The following SCD5 variants were observed in gnomAD, a reference collection of about 807,000 sequenced individuals.
SCD5 encodes stearoyl-CoA desaturase 5, also known as acyl-CoA-desaturase 4.
SCD5 carries 20 observed loss-of-function variants against 30.4 expected under a neutral mutation model. The observed-to-expected ratio is 0.66, with a 90% CI of 0.46 to 0.96. SCD5 has a LOEUF of 0.96. Among genes scored for constraint, SCD5 ranks in the 40% least tolerant of loss-of-function variants. The pLI is 0.00. For missense variants in SCD5, 381 were observed against 443.3 expected (o/e 0.86, Z 1.26); for synonymous variants, 173 against 176.4 (o/e 0.98, Z 0.16).
Position 82,636,763 on chromosome 4 carries a change from G to A in SCD5, c.630C>T (p.Tyr210=), listed in dbSNP as rs1469504700. The change falls in exon 4 of 5, where the codon TAC becomes TAT. Residue 210 remains tyrosine (Y), a synonymous_variant. Transcript: ENST00000319540. ...AATTCCACAGACTCTCTCCCCAGAT[G>A]TACCAGGGCACCAGCGTGGGGACCA... ...CFVVPTLVPW[Y]IWGESLWNSY... The A allele has an allele frequency of 6.2e-7, 1 of 1,614,136 alleles. No homozygotes were observed.
chr4:82,712,270 A>ATG (rs1553917227), intron 1 of SCD5, among the ~76,000 whole-genome samples: 2 of 48,578 alleles, frequency 4.1e-5, no homozygotes, highest in East Asian at 5.9e-4. Flanking sequence ...ATATATATAT[A>ATG]TATATATATA....
intron 3 of SCD5, among the ~76,000 whole-genome samples, chr4:82,642,961 G>A (rs1506606): frequency 0.57 from 86,570 of 151,964 alleles, 25,398 homozygotes; most frequent in Admixed American, 0.69. Flanking sequence ...GGGTAATGTA[G>A]ACCCTACCCA....
chr4:82,668,200 G>C (rs1371439500), intron 3 of SCD5, among the ~76,000 whole-genome samples: 2 of 152,174 alleles, frequency 1.3e-5, no homozygotes, highest in Non-Finnish European at 2.9e-5. Context: ...ACAAAAAAAG[G>C]AACAAAGCTG....
In SCD5 at chr4:82,798,729, T is replaced by G. The variant is rs950728259; in HGVS notation, c.-192A>C. On this transcript the variant is annotated 5_prime_UTR_variant, in exon 1 of 5. Coordinates refer to ENST00000319540, the MANE Select transcript of SCD5 (RefSeq NM_001037582.3). Reference sequence around the variant, plus strand: ...TCTTAGCGTGGCCTAGGGATGCAGATCTTGGCGGCCGGCGTCTGTTGCTGG... The same window carrying G: ...TCTTAGCGTGGCCTAGGGATGCAGAGCTTGGCGGCCGGCGTCTGTTGCTGG... The G allele has an allele frequency of 3.6e-6, 2 of 561,414 alleles. No individual in the cohort carries two copies. Among genetic ancestry groups the G allele is most frequent in the South Asian group, 4.9e-5 (2 of 40,896 alleles). The allele number at this position is 561,414 out of a possible 1,614,324, so 34.8% of individuals were successfully genotyped here.
intron 1 of SCD5, among the ~76,000 whole-genome samples, chr4:82,754,994 G>C (rs1721203164): frequency 6.6e-6 from 1 of 152,128 alleles, no homozygotes; most frequent in Non-Finnish European, 1.5e-5. Context: ...AGGTGCCAAA[G>C]TGCCTAGGCT....
At chr4:82,636,044 C>T (rs1727422102) in intron 4 of SCD5, among the ~76,000 whole-genome samples, 2 of 152,208 alleles carry the variant, frequency 1.3e-5, no homozygotes, top group African/African-American at 4.8e-5. Flanking sequence ...CTACTAGTTA[C>T]TGATCACCTA....
chr4:82,736,691 G>A (rs1447888555), intron 1 of SCD5, among the ~76,000 whole-genome samples: 1 of 151,984 alleles, frequency 6.6e-6, no homozygotes, highest in African/African-American at 2.4e-5. Flanking sequence ...CTGAGACAGG[G>A]TCTTGCTCTG....
intron 1 of SCD5, among the ~76,000 whole-genome samples, chr4:82,719,030 C>A (rs1160820662): frequency 6.6e-6 from 1 of 151,796 alleles, no homozygotes; most frequent in Non-Finnish European, 1.5e-5. Context: ...AGGGGGCTCG[C>A]TGCTAGCCGA....
At chr4:82,785,673 G>A (rs1475462516) in intron 1 of SCD5, among the ~76,000 whole-genome samples, 1 of 152,100 alleles carries the variant, frequency 6.6e-6, no homozygotes, top group African/African-American at 2.4e-5. Flanking sequence ...ACAAGGGGTG[G>A]AGAGAAAATT....
intron 2 of SCD5, among the ~76,000 whole-genome samples, chr4:82,699,599 C>T (rs1364679738): frequency 7.3e-6 from 1 of 137,552 alleles, no homozygotes; most frequent in Non-Finnish European, 1.5e-5. Context: ...ACAGTTTCAG[C>T]CTTGTTCCCC....
intron 1 of SCD5, among the ~76,000 whole-genome samples, chr4:82,733,731 T>G (rs1324806087): frequency 6.6e-6 from 1 of 152,148 alleles, no homozygotes; most frequent in East Asian, 1.9e-4. Flanking sequence ...AAGCACATGC[T>G]CATGAAGCCT....
intron 4 of SCD5, among the ~76,000 whole-genome samples, chr4:82,632,586 G>C (rs1727318988): frequency 6.6e-6 from 1 of 152,104 alleles, no homozygotes; most frequent in Non-Finnish European, 1.5e-5. Flanking sequence ...GGTATTTCTA[G>C]TTCTAGATCC....
chr4:82,761,645 A>ATG (rs1227759049), intron 1 of SCD5, among the ~76,000 whole-genome samples: 1 of 151,584 alleles, frequency 6.6e-6, no homozygotes, highest in Non-Finnish European at 1.5e-5. Context: ...TTAGTTACAT[A>ATG]TGTATACATG....
At chr4:82,661,079 T>G in intron 3 of SCD5, 1 of 1,612,466 alleles carries the variant, frequency 6.2e-7, no homozygotes, top group Non-Finnish European at 8.5e-7. Context: ...TGCTGTGTAC[T>G]GATAAAAAAT....
intron 1 of SCD5, among the ~76,000 whole-genome samples, chr4:82,707,944 G>A (rs1287292352): frequency 6.6e-6 from 1 of 152,204 alleles, no homozygotes; most frequent in Non-Finnish European, 1.5e-5. Context: ...GGGGTAATTT[G>A]TTATGCAACA....
intron 1 of SCD5, among the ~76,000 whole-genome samples, chr4:82,708,919 T>TAATAATAGCTACC (rs11269316): frequency 0.81 from 123,205 of 151,914 alleles, 50,262 homozygotes; most frequent in Middle Eastern, 0.88. Flanking sequence ...TAATAAATAA[T>TAATAATAGCTACC]ATTGACTGAG....
intron 1 of SCD5, among the ~76,000 whole-genome samples, chr4:82,764,490 A>G (rs1340244846): frequency 6.6e-6 from 1 of 151,982 alleles, no homozygotes; most frequent in Non-Finnish European, 1.5e-5. Context: ...ATTAATGATA[A>G]CTCTTTGTTT....
intron 1 of SCD5, among the ~76,000 whole-genome samples, chr4:82,793,759 G>T (rs1297529441): frequency 6.6e-6 from 1 of 152,178 alleles, no homozygotes; most frequent in East Asian, 1.9e-4. Context: ...TTTTAAAGGT[G>T]AGAAAACTGC....
chr4:82,643,701 C>T (rs1727587695), intron 3 of SCD5, among the ~76,000 whole-genome samples: 1 of 152,100 alleles, frequency 6.6e-6, no homozygotes, highest in Non-Finnish European at 1.5e-5. Flanking sequence ...TGAGAGGTTA[C>T]AATGATTAAT....
Sources: allele counts gnomAD v4.1 joint callset (sites outside exome capture counted in the v4.1 genomes callset), GRCh38; gene constraint gnomAD v4.1.1; transcripts MANE v1.5; gene names NCBI Gene and HGNC (gene_info 2026-07-23, HGNC 2026-07-21).